TENM1: variants seen among roughly 807,000 people sequenced by gnomAD.
The protein encoded by TENM1 is teneurin transmembrane protein 1.
TENM1 carries 35 observed loss-of-function variants against 174.8 expected under a neutral mutation model. The ratio of observed to expected loss-of-function variants is 0.20; its 90% CI spans 0.15 to 0.27. TENM1 has a LOEUF of 0.27. TENM1 is among the 10% of genes least tolerant of loss of function. The pLI is 1.00. For synonymous variants in TENM1, 781 were observed against 798.7 expected, an observed-to-expected ratio of 0.98 and a Z score of 0.37; for missense variants, 1,633 against 2,130.1, an observed-to-expected ratio of 0.77 and a Z score of 4.59.
At chrX:124,637,171 C>A (rs1409888608) in intron 11 of TENM1, among the ~76,000 whole-genome samples, 1 of 108,534 alleles carries the variant, frequency 9.2e-6, no homozygotes, top group Non-Finnish European at 1.9e-5. Context: ...CTCACTGCAA[C>A]CTCCGCCTCC....
chrX:124,843,698 T>C (rs1238949196), intron 3 of TENM1, among the ~76,000 whole-genome samples: 1 of 111,506 alleles, frequency 9.0e-6, no homozygotes, highest in African/African-American at 3.3e-5. Flanking sequence ...CCCAGGAAAA[T>C]TGCTGTTGTT....
At chrX:124,978,287 A>G in the TENM1 span, among the ~76,000 whole-genome samples, 1 of 111,767 alleles carries the variant, frequency 8.9e-6, no homozygotes, top group Non-Finnish European at 1.9e-5. Flanking sequence ...GTCTGAACAT[A>G]TGTATAATAG....
the TENM1 span, among the ~76,000 whole-genome samples, chrX:125,089,486 G>C: frequency 2.7e-5 from 3 of 111,974 alleles, no homozygotes; most frequent in Admixed American, 2.8e-4. Context: ...TCTCAGTACT[G>C]TATGGTTTGG....
At chrX:124,929,046 A>T (rs1240996339) in intron 1 of TENM1, among the ~76,000 whole-genome samples, 2 of 111,207 alleles carry the variant, frequency 1.8e-5, no homozygotes, top group African/African-American at 6.6e-5. Flanking sequence ...TTGTTTTGTT[A>T]TGTTTTGTTT....
chrX:124,650,154 A>G (rs1485948652), intron 8 of TENM1, among the ~76,000 whole-genome samples: 5 of 96,767 alleles, frequency 5.2e-5, no homozygotes, highest in Non-Finnish European at 1.0e-4. Context: ...GTGAGCCGAG[A>G]TCGTGCCATT....
chrX:124,975,903 A>G, the TENM1 span, among the ~76,000 whole-genome samples: 1 of 111,375 alleles, frequency 9.0e-6, no homozygotes, highest in Admixed American at 9.7e-5. Context: ...TCTAGACCCA[A>G]CTTTATGACA....
chrX:124,569,065 G>A, intron 11 of TENM1, among the ~76,000 whole-genome samples: 1 of 110,937 alleles, frequency 9.0e-6, no homozygotes, highest in Non-Finnish European at 1.9e-5. Context: ...ATAGCTGGGT[G>A]TGGTGGCATG....
At chrX:124,543,821 C>T (rs985336643) in intron 15 of TENM1, among the ~76,000 whole-genome samples, 5 of 112,341 alleles carry the variant, frequency 4.5e-5, no homozygotes, top group Admixed American at 3.8e-4. Context: ...TGTTGTTACA[C>T]CATCACACGG....
the TENM1 span, among the ~76,000 whole-genome samples, chrX:124,978,004 G>T: frequency 1.1e-5 from 1 of 89,218 alleles, no homozygotes; most frequent in Non-Finnish European, 2.2e-5. Flanking sequence ...GAGAGAGAGA[G>T]AGAGAGAGAG....
chrX:124,909,978 A>G (rs1348202362), intron 1 of TENM1, among the ~76,000 whole-genome samples: 1 of 112,342 alleles, frequency 8.9e-6, no homozygotes, highest in East Asian at 2.8e-4. Flanking sequence ...GACTAAGCCT[A>G]TATCTGTGAT....
chrX:124,831,260 G>A (rs755014100), intron 3 of TENM1, among the ~76,000 whole-genome samples: 2 of 111,160 alleles, frequency 1.8e-5, no homozygotes, highest in Non-Finnish European at 3.8e-5. Flanking sequence ...TTACTCAAAA[G>A]TTCTGAACAA....
At chrX:124,648,576 T>C (rs756392443) in intron 8 of TENM1, among the ~76,000 whole-genome samples, 36 of 112,264 alleles carry the variant, frequency 3.2e-4, no homozygotes, top group African/African-American at 9.1e-4. Context: ...AATCACTAAT[T>C]TACTTGACAA....
chrX:124,633,600 CTA>C (rs925434213), intron 11 of TENM1, among the ~76,000 whole-genome samples: 27 of 108,825 alleles, frequency 2.5e-4, no homozygotes, highest in East Asian at 5.7e-4. Context: ...TCTTAAATTA[CTA>C]TATATATATA....
exon 15 of TENM1, chrX:124,546,932 A>G: frequency 8.3e-7 from 1 of 1,211,573 alleles, no homozygotes. Flanking sequence ...CCAATGAGGA[A>G]TTTGATTCGA....
At chrX:124,913,639 T>G (rs2057873444) in intron 1 of TENM1, among the ~76,000 whole-genome samples, 1 of 111,883 alleles carries the variant, frequency 8.9e-6, no homozygotes. Context: ...CAGTGGAATA[T>G]TCTATAAAAC....
Position 124,912,904 on chromosome X carries a change from G to A in TENM1, c.218-16663C>T, listed in dbSNP as rs191295414. ...AGAGGTGTGAAAAGAAAGCTAACTG[G>A]AAAGGCCATTTTGAATTATAATTAT... On this transcript the variant is annotated intron_variant, in intron 1 of 31. Transcript: ENST00000422452. 4.7e-3 allele frequency among the ~76,000 whole-genome samples: 524 copies of A among 110,993 alleles called. 2 individuals are homozygous for A. The highest frequency in any genetic ancestry group is 0.016 in the African/African-American group (498 of 30,595).
At chrX:124,482,071 C>T in intron 21 of TENM1, 107 bp from the exon 25 acceptor site, 1 of 461,134 alleles carries the variant, frequency 2.2e-6, no homozygotes, top group Non-Finnish European at 3.8e-6. Flanking sequence ...TGAGTGAATT[C>T]ATTTATCTTC....
Position 124,480,010 on chromosome X carries a change from C to T in TENM1, c.3949+1722G>A, listed in dbSNP as rs773387460. Among the ~76,000 whole-genome samples the T allele has an allele frequency of 2.9e-4, 32 of 111,462 alleles. 1 individual carries two copies. In the South Asian group the frequency reaches 0.011, roughly 39 times the overall value. ...GTTCCCTTAGGGAAAATAAATCACC[C>T]CCTGTAAACACCATTGAAATTCCTT... On this transcript the variant is annotated intron_variant, in intron 22 of 31. Coordinates refer to ENST00000422452, the Ensembl canonical transcript of TENM1.
chrX:124,824,571 C>T (rs1215653724), intron 3 of TENM1, among the ~76,000 whole-genome samples: 1 of 111,954 alleles, frequency 8.9e-6, no homozygotes, highest in Non-Finnish European at 1.9e-5. Context: ...ATTTTATGAT[C>T]TTTGCATCCA....
Sources: gnomAD v4.1 joint callset for allele counts (sites outside exome capture counted in the v4.1 genomes callset) on GRCh38, gnomAD v4.1.1 for gene constraint, MANE v1.5 for transcripts, NCBI Gene and HGNC (gene_info 2026-07-23, HGNC 2026-07-21) for gene names.